Variants in GALNT10 observed in about 807,000 individuals in gnomAD.
GALNT10 encodes the protein polypeptide N-acetylgalactosaminyltransferase 10, also known as GalNAc transferase 10.
GALNT10 carries 41 observed loss-of-function variants against 75.0 expected under a neutral mutation model. The observed-to-expected ratio is 0.55, with a 90% confidence interval of 0.43 to 0.71. The LOEUF is 0.71. GALNT10 is among the 30% of genes least tolerant of loss of function. The pLI, the probability that GALNT10 is intolerant of heterozygous loss-of-function variation, is 0.00. For missense variants in GALNT10, 727 were observed against 818.5 expected, an observed-to-expected ratio of 0.89 and a Z score of 1.36; for synonymous variants, 302 against 313.0, an observed-to-expected ratio of 0.96 and a Z score of 0.37.
intron 1 of GALNT10, among the ~76,000 whole-genome samples, chr5:154,250,635 C>CA (rs1260492115): frequency 1.3e-5 from 2 of 152,092 alleles, no homozygotes; most frequent in African/African-American, 4.8e-5. Context: ...TGGACAAAAT[C>CA]AGAGTTCTGT....
chr5:154,190,977 C>A lies in GALNT10; in HGVS notation c.111C>A (p.Asp37Glu), dbSNP rs1349080032. ...CGCTGTACCGCGAGCGGCAGCCCGACGGCACCCCTGGGGGATCGGGGGCGG... is the reference window on the plus strand; with the variant it reads ...CGCTGTACCGCGAGCGGCAGCCCGAAGGCACCCCTGGGGGATCGGGGGCGG... ...LWALYRERQP[D>E]GTPGGSGAAV... The change falls in exon 1 of 12, where the codon GAC becomes GAA. Residue 37 changes from aspartate (D) to glutamate (E), a missense_variant. Transcript: ENST00000297107. The A allele has an allele frequency of 4.0e-6, 6 of 1,506,506 alleles. No homozygotes were observed. In the Admixed American group the frequency reaches 8.1e-5, roughly 20 times the overall value. The allele number at this position is 1,506,506 out of a possible 1,614,324, so 93.3% of individuals were successfully genotyped here. A position where few individuals can be genotyped will look rare whatever the true frequency, so the allele number is the denominator to read the frequency against.
intron 7 of GALNT10, among the ~76,000 whole-genome samples, chr5:154,391,062 G>C (rs558912208): frequency 7.2e-4 from 109 of 152,334 alleles, no homozygotes; most frequent in African/African-American, 2.6e-3. Flanking sequence ...TGGAAAAGGA[G>C]AGTTTCTGGA....
chr5:154,247,888 G>T (rs371659524), intron 1 of GALNT10, among the ~76,000 whole-genome samples: 2 of 150,516 alleles, frequency 1.3e-5, no homozygotes, highest in Non-Finnish European at 3.0e-5. Flanking sequence ...CTGTCTTGTG[G>T]CAGTTTTCAA....
chr5:154,194,707 G>A (rs1774908927), intron 1 of GALNT10, among the ~76,000 whole-genome samples: 1 of 152,178 alleles, frequency 6.6e-6, no homozygotes, highest in Non-Finnish European at 1.5e-5. Flanking sequence ...AAAGGCAAAT[G>A]CATATTGTAA....
intron 3 of GALNT10, among the ~76,000 whole-genome samples, chr5:154,301,084 A>G (rs1754349764): frequency 6.6e-6 from 1 of 152,234 alleles, no homozygotes; most frequent in South Asian, 2.1e-4. Context: ...GTCCAGAAAA[A>G]GAAACCTCTT....
chr5:154,322,335 G>A (rs924808602), intron 3 of GALNT10, among the ~76,000 whole-genome samples: 1 of 152,128 alleles, frequency 6.6e-6, no homozygotes, highest in Non-Finnish European at 1.5e-5. Context: ...CATCTTGAGA[G>A]CCAGCAACCG....
chr5:154,367,291 G>A (rs1347729212), intron 4 of GALNT10, among the ~76,000 whole-genome samples: 1 of 152,240 alleles, frequency 6.6e-6, no homozygotes, highest in Non-Finnish European at 1.5e-5. Context: ...CTCAGCATCT[G>A]TGTGGAAACC....
intron 4 of GALNT10, among the ~76,000 whole-genome samples, chr5:154,330,764 A>T (rs1279112882): frequency 6.6e-6 from 1 of 152,174 alleles, no homozygotes; most frequent in East Asian, 1.9e-4. Context: ...GGCACTAATA[A>T]GCAGTGAAGA....
At chr5:154,400,709 G>A (rs1016647958) in intron 7 of GALNT10, among the ~76,000 whole-genome samples, 2 of 152,200 alleles carry the variant, frequency 1.3e-5, no homozygotes, top group African/African-American at 4.8e-5. Flanking sequence ...AGGGTGAGAA[G>A]CCCCTGAGGA....
chr5:154,405,903 T>C (rs968860825), intron 8 of GALNT10, among the ~76,000 whole-genome samples: 4 of 150,394 alleles, frequency 2.7e-5, no homozygotes, highest in African/African-American at 9.8e-5. Context: ...GCCCACCTGA[T>C]AAAGAGACAT....
rs568518791 is a variant in GALNT10 at position 154,373,223 on chromosome 5, T to C, written c.569-3054T>C. Among the ~76,000 whole-genome samples, 27 of 152,314 alleles carry C rather than the reference T, an allele frequency of 1.8e-4. No homozygotes were observed. The South Asian group carries it at 5.6e-3, about 32-fold the overall frequency. On this transcript the variant is annotated intron_variant, in intron 4 of 11. Coordinates refer to ENST00000297107, the MANE Select transcript of GALNT10 (RefSeq NM_198321.4). ...AGGTTGTCAGCCCTGCCTTAGGGCTTATGAAGCTGGCGTAAATCTGAGGCT... is the reference window on the plus strand; with the variant it reads ...AGGTTGTCAGCCCTGCCTTAGGGCTCATGAAGCTGGCGTAAATCTGAGGCT...
intron 1 of GALNT10, among the ~76,000 whole-genome samples, chr5:154,289,875 T>C (rs964862674): frequency 6.6e-5 from 10 of 152,276 alleles, no homozygotes; most frequent in East Asian, 1.9e-4. Context: ...CTGTCAAACC[T>C]GAATCCCTGG....
intron 1 of GALNT10, among the ~76,000 whole-genome samples, chr5:154,258,715 C>G (rs1030976094): frequency 6.6e-6 from 1 of 152,126 alleles, no homozygotes; most frequent in Non-Finnish European, 1.5e-5. Context: ...GACTTTTCCT[C>G]CAGGCAGGTG....
chr5:154,248,274 T>A (rs1753463217), intron 1 of GALNT10, among the ~76,000 whole-genome samples: 1 of 152,230 alleles, frequency 6.6e-6, no homozygotes. Context: ...AAAATTCTCT[T>A]TTTTTGTTGC....
At chr5:154,355,598 A>C (rs1243146158) in intron 4 of GALNT10, among the ~76,000 whole-genome samples, 1 of 152,262 alleles carries the variant, frequency 6.6e-6, no homozygotes, top group Admixed American at 6.5e-5. Context: ...TTGAGGCAGC[A>C]GCTGCCATTG....
At chr5:154,201,390 T>C (rs567190609) in intron 1 of GALNT10, among the ~76,000 whole-genome samples, 14 of 150,970 alleles carry the variant, frequency 9.3e-5, no homozygotes, top group Non-Finnish European at 1.6e-4. Context: ...CTAAGACTAA[T>C]GTACTTTTCA....
chr5:154,272,712 C>T (rs1462761209), intron 1 of GALNT10, among the ~76,000 whole-genome samples: 1 of 152,182 alleles, frequency 6.6e-6, no homozygotes, highest in African/African-American at 2.4e-5. Flanking sequence ...ATAGTGCCAC[C>T]CTCTAGGCTT....
chr5:154,374,941 C>T (rs1422092878), intron 4 of GALNT10, among the ~76,000 whole-genome samples: 1 of 152,064 alleles, frequency 6.6e-6, no homozygotes, highest in Non-Finnish European at 1.5e-5. Flanking sequence ...AGAAATGATA[C>T]CAATTTTTCA....
intron 4 of GALNT10, among the ~76,000 whole-genome samples, chr5:154,334,628 T>A (rs887699644): frequency 1.3e-5 from 2 of 152,192 alleles, no homozygotes; most frequent in African/African-American, 4.8e-5. Flanking sequence ...GTGTTTGGAT[T>A]AACTAGAGGC....
Sources: gnomAD v4.1 joint callset for allele counts (sites outside exome capture counted in the v4.1 genomes callset) on GRCh38, gnomAD v4.1.1 for gene constraint, MANE v1.5 for transcripts, NCBI Gene and HGNC (gene_info 2026-07-23, HGNC 2026-07-21) for gene names.